RNF212: variants seen among roughly 807,000 people sequenced by gnomAD.
RNF212 encodes the protein ring finger protein 212, also known as probable E3 SUMO-protein ligase RNF212.
Under a neutral mutation model 34.7 loss-of-function variants are expected in RNF212, and 33 were observed. That is an observed-to-expected ratio of 0.95 (90% CI 0.72 to 1.27). RNF212 has a LOEUF of 1.27. Ranked by LOEUF, RNF212 falls within the 50% of genes most tolerant of loss-of-function variation. RNF212 has a pLI of 0.00. For synonymous variants in RNF212, 140 were observed against 136.1 expected, an observed-to-expected ratio of 1.03 and a Z score of -0.20; for missense variants, 377 against 362.2, an observed-to-expected ratio of 1.04 and a Z score of -0.33.
intron 8 of RNF212, 41 bp from the exon 9 acceptor site, chr4:1,073,703 T>C (rs1311531981): frequency 1.4e-6 from 2 of 1,432,822 alleles, no homozygotes; most frequent in African/African-American, 1.4e-5. Flanking sequence ...AATTCCAATA[T>C]TGCGGCTTAC....
chr4:1,113,590 T>C (rs1726180041), upstream of RNF212: 3 of 644,128 alleles, frequency 4.7e-6, no homozygotes, highest in Admixed American at 8.2e-5. Flanking sequence ...ACGGCAGCCC[T>C]GCGCCCGCGC....
chr4:1,084,536 C>A (rs1720867343), intron 5 of RNF212, among the ~76,000 whole-genome samples: 2 of 151,622 alleles, frequency 1.3e-5, no homozygotes, highest in African/African-American at 4.9e-5. Flanking sequence ...CCAAGACTAG[C>A]CTGGGTAACA....
intron 1 of RNF212, among the ~76,000 whole-genome samples, chr4:1,111,487 C>T (rs903818050): frequency 6.6e-6 from 1 of 152,174 alleles, no homozygotes. Flanking sequence ...GGTTCCCTCC[C>T]GCTGGGCTCC....
At chr4:1,079,128 A>G (rs1719888105) in intron 8 of RNF212, among the ~76,000 whole-genome samples, 1 of 151,968 alleles carries the variant, frequency 6.6e-6, no homozygotes, top group African/African-American at 2.4e-5. Flanking sequence ...CACAGGACCA[A>G]CATAGGACCA....
intron 2 of RNF212, among the ~76,000 whole-genome samples, chr4:1,105,559 C>T (rs1449563475): frequency 6.6e-6 from 1 of 152,246 alleles, no homozygotes; most frequent in African/African-American, 2.4e-5. Context: ...CTGTCACAAT[C>T]AGGTCTGGGG....
rs530476206 is a variant in RNF212, at chr4:1,080,578, C to T, written c.464+841G>A. Among the ~76,000 whole-genome samples, 592 of 152,246 alleles carry T rather than the reference C, an allele frequency of 3.9e-3. 4 individuals carry two copies. Among genetic ancestry groups the T allele is most frequent in the African/African-American group, 0.013 (548 of 41,550 alleles). On this transcript the variant is annotated intron_variant, in intron 7 of 9. Coordinates refer to ENST00000433731, the MANE Select transcript of RNF212 (RefSeq NM_001131034.4). ...GATGCCCTCAGTCACAGCGGGACCC[C>T]GTGGAGCTTGTGCCTGCCTGCTCTA...
chr4:1,077,817 G>A (rs935493126), intron 8 of RNF212, among the ~76,000 whole-genome samples: 6 of 152,172 alleles, frequency 3.9e-5, no homozygotes, highest in Non-Finnish European at 7.4e-5. Flanking sequence ...CCTCGATGTG[G>A]GCCAGTTGCC....
intron 4 of RNF212, among the ~76,000 whole-genome samples, chr4:1,089,060 C>T (rs1452037775): frequency 2.0e-5 from 3 of 152,238 alleles, no homozygotes; most frequent in African/African-American, 7.2e-5. Flanking sequence ...TGGGGTGCTG[C>T]CTAGAGAAGC....
intron 2 of RNF212, chr4:1,101,230 C>G: frequency 3.2e-6 from 1 of 315,476 alleles, no homozygotes; most frequent in South Asian, 3.6e-5. Flanking sequence ...CATCTCTACA[C>G]ACCCCATCTT....
At chr4:1,085,818 A>C (rs1721070779) in intron 5 of RNF212, 78 bp downstream of exon 5, 8 of 971,444 alleles carry the variant, frequency 8.2e-6, no homozygotes, top group Middle Eastern at 4.3e-4. Flanking sequence ...TTCATTCTTG[A>C]TCTTGGAGAG....
intron 8 of RNF212, among the ~76,000 whole-genome samples, chr4:1,076,679 A>T (rs560915915): frequency 1.4e-4 from 22 of 152,324 alleles, no homozygotes; most frequent in African/African-American, 5.3e-4. Flanking sequence ...ACTGCTACAC[A>T]CATCCACTCC....
chr4:1,104,804 C>G (rs774278600), intron 2 of RNF212, among the ~76,000 whole-genome samples: 1 of 152,144 alleles, frequency 6.6e-6, no homozygotes, highest in African/African-American at 2.4e-5. Context: ...AGACAATGAA[C>G]GTGTCTGCAT....
chr4:1,079,636 C>A lies in RNF212; in HGVS notation c.510+7G>T, dbSNP rs1283835880. ...ACAGAGGAACTCAGCAGGAGAGATGCACTTACTTTTCTAATCGGAGAAGGA... is the reference window on the plus strand; with the variant it reads ...ACAGAGGAACTCAGCAGGAGAGATGAACTTACTTTTCTAATCGGAGAAGGA... On this transcript the variant is annotated splice_region_variant and intron_variant, in intron 8 of 9. Coordinates refer to ENST00000433731, the MANE Select transcript of RNF212 (RefSeq NM_001131034.4). The A allele has an allele frequency of 6.3e-7, 1 of 1,591,348 alleles. No individual in the cohort carries two copies. The highest frequency in any genetic ancestry group is 1.7e-5 in the Admixed American group (1 of 59,978).
chr4:1,062,758 A>G (rs942231539), intron 3 of RNF212, among the ~76,000 whole-genome samples: 3 of 152,220 alleles, frequency 2.0e-5, no homozygotes, highest in East Asian at 3.8e-4. Context: ...TGGAAAGGAA[A>G]AAGTAAAACA....
intron 3 of RNF212, among the ~76,000 whole-genome samples, chr4:1,095,571 T>C (rs553789886): frequency 1.5e-3 from 92 of 59,952 alleles, no homozygotes; most frequent in Middle Eastern, 0.029. Flanking sequence ...CAAGCACACC[T>C]CCCACAGCTC....
At position 1,058,228 on chromosome 4, in the gene RNF212, TGAA is replaced by T. The variant is rs563512099; in HGVS notation, n.220+90_220+92del. 69 of 311,030 alleles carry T rather than the reference TGAA, an allele frequency of 2.2e-4. 1 individual carries two copies. Among genetic ancestry groups the T allele is most frequent in the African/African-American group, 1.5e-3 (67 of 43,566 alleles). 19.3% of individuals were successfully genotyped at this position (311,030 alleles called of 1,614,324 possible). On this transcript the variant is annotated intron_variant and non_coding_transcript_variant, in intron 4 of 4. Coordinates refer to the RNF212 transcript ENST00000503206. ...GCTGACAATTTCCTTTAAAACGCTG[TGAA>T]GAAGGTGCTTGCGGGGGTTAGAACG...
chr4:1,076,444 G>A (rs1719318013), intron 8 of RNF212, among the ~76,000 whole-genome samples: 1 of 152,214 alleles, frequency 6.6e-6, no homozygotes, highest in Non-Finnish European at 1.5e-5. Flanking sequence ...ACCCCACCAA[G>A]AGCACCCCCG....
intron 3 of RNF212, among the ~76,000 whole-genome samples, chr4:1,062,041 T>C (rs1414547351): frequency 6.6e-6 from 1 of 152,086 alleles, no homozygotes; most frequent in East Asian, 1.9e-4. Context: ...AATATGATGA[T>C]AGTGACTCCA....
intron 1 of RNF212, among the ~76,000 whole-genome samples, chr4:1,110,203 A>C (rs548533038): frequency 6.6e-6 from 1 of 152,198 alleles, no homozygotes; most frequent in South Asian, 2.1e-4. Flanking sequence ...AATAGTGCTC[A>C]CTAGTCAATT....
Sources: gnomAD v4.1 joint callset for allele counts (sites outside exome capture counted in the v4.1 genomes callset) on GRCh38, gnomAD v4.1.1 for gene constraint, MANE v1.5 for transcripts, NCBI Gene and HGNC (gene_info 2026-07-23, HGNC 2026-07-21) for gene names.